Variants in EPHA4 observed in about 807,000 individuals in gnomAD.
EPHA4 encodes the protein EPH receptor A4, also known as ephrin type-A receptor 4.
A neutral mutation model predicts 108.3 loss-of-function variants in EPHA4; 19 were observed. That is an observed-to-expected ratio of 0.18 (90% CI 0.12 to 0.26). The LOEUF (loss-of-function observed/expected upper bound fraction) is 0.26, where lower values mean the gene tolerates loss of function less well. Among genes scored for constraint, EPHA4 ranks in the 10% least tolerant of loss-of-function variants. The pLI, the probability that EPHA4 is intolerant of heterozygous loss-of-function variation, is 1.00. For missense variants in EPHA4, 917 were observed against 1,254.0 expected (o/e 0.73, Z 4.06); for synonymous variants, 449 against 455.5 (o/e 0.99, Z 0.18).
At chr2:221,485,559 A>T (rs1478775382) in intron 4 of EPHA4, among the ~76,000 whole-genome samples, 1 of 152,214 alleles carries the variant, frequency 6.6e-6, no homozygotes, top group Non-Finnish European at 1.5e-5. Flanking sequence ...AGAGGGGAAA[A>T]CAAAGTATAG....
chr2:221,527,181 C>A (rs1693358953), intron 3 of EPHA4, among the ~76,000 whole-genome samples: 1 of 152,096 alleles, frequency 6.6e-6, no homozygotes, highest in Admixed American at 6.5e-5. Context: ...TAGGAATAAA[C>A]TAGAACGTTG....
At chr2:221,467,365 C>T (rs1691343733) in intron 5 of EPHA4, among the ~76,000 whole-genome samples, 1 of 152,036 alleles carries the variant, frequency 6.6e-6, no homozygotes, top group South Asian at 2.1e-4. Flanking sequence ...ATAAAACAAA[C>T]ACAAATGTTA....
intron 4 of EPHA4, among the ~76,000 whole-genome samples, chr2:221,495,612 C>T (rs994926518): frequency 6.6e-6 from 1 of 152,216 alleles, no homozygotes; most frequent in Non-Finnish European, 1.5e-5. Flanking sequence ...ATCTCACAGG[C>T]AGCCATTTAT....
chr2:221,421,008 C>A (rs944807855), intron 17 of EPHA4, among the ~76,000 whole-genome samples: 1 of 152,144 alleles, frequency 6.6e-6, no homozygotes, highest in Admixed American at 6.5e-5. Flanking sequence ...TTGAAAAATG[C>A]AAACTAAGGG....
At chr2:221,486,263 C>G (rs1380536162) in intron 4 of EPHA4, among the ~76,000 whole-genome samples, 1 of 152,106 alleles carries the variant, frequency 6.6e-6, no homozygotes, top group Non-Finnish European at 1.5e-5. Flanking sequence ...TCAAAACTAC[C>G]CACTACTAGC....
intron 2 of EPHA4, 102 bp downstream of exon 2, chr2:221,568,616 C>T: frequency 2.3e-6 from 2 of 874,128 alleles, no homozygotes; most frequent in Middle Eastern, 2.2e-4. Flanking sequence ...GGAAATCTGA[C>T]CCCCTCACCA....
At chr2:221,469,792 A>C (rs1005269240) in intron 5 of EPHA4, among the ~76,000 whole-genome samples, 5 of 152,196 alleles carry the variant, frequency 3.3e-5, no homozygotes, top group South Asian at 4.1e-4. Flanking sequence ...CCATTCAAGG[A>C]GGTGACCTAA....
intron 3 of EPHA4, among the ~76,000 whole-genome samples, chr2:221,514,118 T>C (rs1005991990): frequency 6.6e-6 from 1 of 151,640 alleles, no homozygotes; most frequent in African/African-American, 2.4e-5. Flanking sequence ...ATCTACTTAA[T>C]GCATTTTGAA....
chr2:221,544,134 C>G (rs1328662352), intron 3 of EPHA4, among the ~76,000 whole-genome samples: 1 of 152,266 alleles, frequency 6.6e-6, no homozygotes, highest in East Asian at 1.9e-4. Context: ...GGCCCTACTT[C>G]CTAATACCAT....
intron 3 of EPHA4, among the ~76,000 whole-genome samples, chr2:221,560,082 T>C (rs1235840443): frequency 6.6e-6 from 1 of 151,892 alleles, no homozygotes; most frequent in Non-Finnish European, 1.5e-5. Context: ...AGGGTTAGAG[T>C]CAAACAACAG....
At chr2:221,440,319 T>A (rs1690379498) in intron 11 of EPHA4, among the ~76,000 whole-genome samples, 1 of 152,068 alleles carries the variant, frequency 6.6e-6, no homozygotes, top group African/African-American at 2.4e-5. Flanking sequence ...AAAGATCCCC[T>A]GTTTCTTCTC....
At chr2:221,458,619 T>A in intron 5 of EPHA4, among the ~76,000 whole-genome samples, 1 of 152,204 alleles carries the variant, frequency 6.6e-6, no homozygotes, top group Admixed American at 6.5e-5. Context: ...TTGCAGCTAT[T>A]TTACAAGAGC....
chr2:221,525,202 T>C (rs914393591), intron 3 of EPHA4, among the ~76,000 whole-genome samples: 5 of 152,114 alleles, frequency 3.3e-5, no homozygotes, highest in Non-Finnish European at 7.3e-5. Context: ...CAGCTGCAAA[T>C]CATCTGTCCC....
chr2:221,448,742 C>T (rs956528221), intron 8 of EPHA4, among the ~76,000 whole-genome samples: 1 of 152,156 alleles, frequency 6.6e-6, no homozygotes, highest in African/African-American at 2.4e-5. Flanking sequence ...TCTTTTAAAC[C>T]ACTTAAGATC....
chr2:221,559,045 T>G (rs1694380601), intron 3 of EPHA4, among the ~76,000 whole-genome samples: 1 of 152,256 alleles, frequency 6.6e-6, no homozygotes, highest in Admixed American at 6.5e-5. Context: ...AAATCATTTT[T>G]TTTGACATAG....
chr2:221,476,459 A>G (rs1352145017), intron 5 of EPHA4, among the ~76,000 whole-genome samples: 2 of 152,208 alleles, frequency 1.3e-5, no homozygotes, highest in Admixed American at 1.3e-4. Context: ...TTATCTCAAC[A>G]TAGTCAGAGG....
At chr2:221,504,458 G>C (rs1692573063) in intron 3 of EPHA4, among the ~76,000 whole-genome samples, 2 of 151,834 alleles carry the variant, frequency 1.3e-5, no homozygotes, top group African/African-American at 4.8e-5. Flanking sequence ...AGTATCTTCT[G>C]GATTTTTGAT....
chr2:221,502,257 G>C (rs764480600), intron 3 of EPHA4, among the ~76,000 whole-genome samples: 1 of 151,900 alleles, frequency 6.6e-6, no homozygotes, highest in African/African-American at 2.4e-5. Context: ...CTCAACCCCA[G>C]ATAAAAATTG....
At chr2:221,493,551 A>G (rs1195103130) in intron 4 of EPHA4, among the ~76,000 whole-genome samples, 2 of 152,200 alleles carry the variant, frequency 1.3e-5, no homozygotes, top group African/African-American at 4.8e-5. Context: ...AATTTTCACA[A>G]CACAGTCACA....
Sources: gnomAD v4.1 joint callset for allele counts (sites outside exome capture counted in the v4.1 genomes callset) on GRCh38, gnomAD v4.1.1 for gene constraint, MANE v1.5 for transcripts, NCBI Gene and HGNC (gene_info 2026-07-23, HGNC 2026-07-21) for gene names.